Variants in PPP2R5C observed in about 807,000 individuals in gnomAD.
PPP2R5C encodes protein phosphatase 2 regulatory subunit B'gamma.
A neutral mutation model predicts 68.9 loss-of-function variants in PPP2R5C; 7 were observed. The observed-to-expected ratio is 0.10, with a 90% CI of 0.06 to 0.19. PPP2R5C has a LOEUF of 0.19. PPP2R5C is among the 10% of genes least tolerant of loss of function. The pLI is 1.00. For missense variants in PPP2R5C, 348 were observed against 641.3 expected, an observed-to-expected ratio of 0.54 and a Z score of 4.94; for synonymous variants, 210 against 222.2, an observed-to-expected ratio of 0.95 and a Z score of 0.49.
chr14:101,795,083 C>T (rs927121108), intron 3 of PPP2R5C, among the ~76,000 whole-genome samples: 15 of 152,192 alleles, frequency 9.9e-5, no homozygotes, highest in Non-Finnish European at 2.1e-4. Context: ...TGATTTTTAG[C>T]AACCGTTTAT....
At chr14:101,865,920 G>C (rs1252280169) in intron 2 of PPP2R5C, among the ~76,000 whole-genome samples, 1 of 151,678 alleles carries the variant, frequency 6.6e-6, no homozygotes, top group African/African-American at 2.4e-5. Context: ...ACTTTTTTTT[G>C]AGACAGAGTC....
At chr14:101,785,042 G>A (rs895036159) in intron 2 of PPP2R5C, among the ~76,000 whole-genome samples, 5 of 152,182 alleles carry the variant, frequency 3.3e-5, no homozygotes, top group Admixed American at 6.5e-5. Context: ...AGTTGGCAGC[G>A]TTGCAGGTTG....
At chr14:101,762,764 T>C in intron 1 of PPP2R5C, 141 bp from the exon 2 acceptor site, 1 of 710,736 alleles carries the variant, frequency 1.4e-6, no homozygotes, top group Non-Finnish European at 2.4e-6. Context: ...AACGGTATGA[T>C]ATAGAATTTC....
At chr14:101,813,329 A>G (rs2039477863) in intron 1 of PPP2R5C, among the ~76,000 whole-genome samples, 1 of 152,264 alleles carries the variant, frequency 6.6e-6, no homozygotes, top group African/African-American at 2.4e-5. Context: ...AGCCATAGAC[A>G]GTAAATGAAT....
rs10143244 is a variant in PPP2R5C at position 101,893,180 on chromosome 14, C to T, written c.798+72C>T. Reference sequence around the variant, plus strand: ...AGGATTGAACACGAGATAGTGAATCCGGCCTTGACTGAGAGTGCTTTCTTC... The same window carrying T: ...AGGATTGAACACGAGATAGTGAATCTGGCCTTGACTGAGAGTGCTTTCTTC... On this transcript the variant is annotated intron_variant, in intron 7 of 13. Coordinates refer to ENST00000334743, the Ensembl canonical transcript of PPP2R5C. The T allele has an allele frequency of 1.3e-3, 1,413 of 1,061,358 alleles. 15 individuals carry two copies. In the African/African-American group the frequency reaches 0.019, roughly 14 times the overall value. 65.7% of individuals were successfully genotyped at this position (1,061,358 alleles called of 1,614,324 possible).
At chr14:101,779,754 A>G (rs1325057803) in intron 2 of PPP2R5C, among the ~76,000 whole-genome samples, 1 of 152,032 alleles carries the variant, frequency 6.6e-6, no homozygotes, top group Non-Finnish European at 1.5e-5. Flanking sequence ...GGTCTGATGG[A>G]CCTTTAGAAA....
rs116132412 is a variant in PPP2R5C, at chr14:101,879,704, G to A, written c.295-2457G>A. On this transcript the variant is annotated intron_variant, in intron 2 of 13. Transcript: ENST00000334743. The surrounding 1 kb of genome is among the most constrained non-coding windows in gnomAD (Gnocchi z 4.2). ...ATCTCCCTTTCCTGAAGGTGACCCT[G>A]TCCTGTGGGTGACTGGACCCTCACC... Among the ~76,000 whole-genome samples the A allele has an allele frequency of 2.1e-4, 32 of 152,268 alleles. No individual in the cohort carries two copies. Among genetic ancestry groups the A allele is most frequent in the African/African-American group, 7.7e-4 (32 of 41,568 alleles).
upstream of PPP2R5C, among the ~76,000 whole-genome samples, chr14:101,809,391 T>G (rs1241214469): frequency 6.8e-6 from 1 of 147,470 alleles, no homozygotes; most frequent in Non-Finnish European, 1.5e-5. Context: ...TAACCATTTG[T>G]TAAAAAAAAA....
intron 1 of PPP2R5C, among the ~76,000 whole-genome samples, chr14:101,838,514 A>G (rs1304199487): frequency 2.0e-5 from 3 of 152,252 alleles, no homozygotes; most frequent in South Asian, 4.1e-4. Context: ...CATTTCTCTC[A>G]TATGCTCTAT....
chr14:101,886,112 T>G (rs1211125374), intron 5 of PPP2R5C, among the ~76,000 whole-genome samples: 1 of 151,926 alleles, frequency 6.6e-6, no homozygotes, highest in Non-Finnish European at 1.5e-5. Flanking sequence ...AAACCCCATC[T>G]CTACTAAAAA....
At chr14:101,761,944 A>G in intron 1 of PPP2R5C, 24 bp downstream of exon 1, 2 of 1,187,212 alleles carry the variant, frequency 1.7e-6, no homozygotes, top group Non-Finnish European at 2.1e-6. Context: ...CGGCCGCGGG[A>G]CGGAGGGAGC....
At chr14:101,805,608 GT>G (rs1334422252), upstream of PPP2R5C, among the ~76,000 whole-genome samples, 2 of 152,212 alleles carry the variant, frequency 1.3e-5, no homozygotes, top group African/African-American at 4.8e-5. Flanking sequence ...GTAGCCCCAT[GT>G]TCATGGCAAC....
chr14:101,833,515 A>T (rs568175591), intron 1 of PPP2R5C: 12 of 152,242 alleles, frequency 7.9e-5, no homozygotes, highest in Admixed American at 1.3e-4. Flanking sequence ...CACCTTGGGT[A>T]AACCATTGTT....
At chr14:101,912,368 C>T (rs1198544400) in intron 11 of PPP2R5C, 33 bp from the exon 14 acceptor site, 1 of 1,565,754 alleles carries the variant, frequency 6.4e-7, no homozygotes, top group Non-Finnish European at 8.6e-7. Flanking sequence ...TCTGATGCAT[C>T]TCTAACACAG....
In PPP2R5C at chr14:101,916,359, G is replaced by C. The variant is rs768687018; in HGVS notation, c.1327-1472G>C. ...ACGTGGAAGCCAGGTGGGCTGAGTTGAGCAGCAGGGCCTGGGCCTGGAGGC... is the reference window on the plus strand; with the variant it reads ...ACGTGGAAGCCAGGTGGGCTGAGTTCAGCAGCAGGGCCTGGGCCTGGAGGC... On this transcript the variant is annotated intron_variant, in intron 12 of 13. Coordinates refer to ENST00000334743, the Ensembl canonical transcript of PPP2R5C. This position sits in a 1 kb window ranked among gnomAD's most constrained non-coding sequence, Gnocchi z 5.5. Among the ~76,000 whole-genome samples, 1 of 152,190 alleles carries C rather than the reference G, an allele frequency of 6.6e-6. No individual in the cohort carries two copies. The highest frequency in any genetic ancestry group is 6.5e-5 in the Admixed American group (1 of 15,286).
chr14:101,854,304 T>C (rs2042301368), intron 1 of PPP2R5C, among the ~76,000 whole-genome samples: 2 of 152,160 alleles, frequency 1.3e-5, no homozygotes. Context: ...ACAGAATGGG[T>C]CTGCTCAGAC....
upstream of PPP2R5C, among the ~76,000 whole-genome samples, chr14:101,805,124 C>T (rs189285795): frequency 2.0e-5 from 3 of 152,164 alleles, no homozygotes; most frequent in Non-Finnish European, 4.4e-5. Context: ...GATGGAGTCT[C>T]GCCCTGTCAC....
intron 3 of PPP2R5C, among the ~76,000 whole-genome samples, chr14:101,791,767 A>G (rs2038374156): frequency 6.6e-6 from 1 of 152,060 alleles, no homozygotes; most frequent in Admixed American, 6.6e-5. Context: ...ATGGTATACA[A>G]GTTTAGTATA....
At chr14:101,859,914 CT>C (rs34361568) in intron 2 of PPP2R5C, among the ~76,000 whole-genome samples, 138 of 145,412 alleles carry the variant, frequency 9.5e-4, no homozygotes, top group East Asian at 9.9e-4. Context: ...TTAATTTCCA[CT>C]TTTTTTTTTT....
Sources: allele counts gnomAD v4.1 joint callset (sites outside exome capture counted in the v4.1 genomes callset), GRCh38; gene constraint gnomAD v4.1.1; non-coding constraint Gnocchi (gnomAD v3.1); transcripts MANE v1.5; gene names NCBI Gene and HGNC (gene_info 2026-07-23, HGNC 2026-07-21).